MAGI2: variants seen among roughly 807,000 people sequenced by gnomAD.
The protein encoded by MAGI2 is membrane-associated guanylate kinase, WW and PDZ domain-containing protein 2.
In MAGI2, 35 loss-of-function variants were observed where a neutral mutation model predicts 133.3. The observed-to-expected ratio is 0.26, with a 90% CI of 0.20 to 0.35. MAGI2 has a LOEUF of 0.35. MAGI2 is among the 10% of genes least tolerant of loss of function. MAGI2 has a pLI of 1.00. For synonymous variants in MAGI2, 729 were observed against 710.6 expected (o/e 1.03, Z -0.41); for missense variants, 1,636 against 1,863.4 (o/e 0.88, Z 2.25).
chr7:78,705,985 T>C (rs16886265), intron 2 of MAGI2, among the ~76,000 whole-genome samples: 14,446 of 152,194 alleles, frequency 0.095, 826 homozygotes, highest in African/African-American at 0.16. Flanking sequence ...CTAGCTGAGT[T>C]CTAGTGGAAA....
chr7:78,860,772 T>C (rs2151500140), intron 2 of MAGI2, among the ~76,000 whole-genome samples: 1 of 152,294 alleles, frequency 6.6e-6, no homozygotes, highest in South Asian at 2.1e-4. Flanking sequence ...TCTTCAAAGC[T>C]GTCAGAGAGG....
intron 1 of MAGI2, among the ~76,000 whole-genome samples, chr7:79,026,275 T>C (rs763334454): frequency 2.6e-5 from 4 of 152,216 alleles, no homozygotes; most frequent in Admixed American, 6.5e-5. Flanking sequence ...TTTTTAAACC[T>C]ATTAAAGGAT....
At chr7:78,160,375 G>T in intron 15 of MAGI2, 102 bp from the exon 16 acceptor site, 2 of 1,237,914 alleles carry the variant, frequency 1.6e-6, no homozygotes, top group Non-Finnish European at 1.1e-6. Flanking sequence ...ATTGTTACAA[G>T]ACTGGTTGAA....
At chr7:78,848,424 T>TAGA (rs1372353292) in intron 2 of MAGI2, among the ~76,000 whole-genome samples, 1 of 152,044 alleles carries the variant, frequency 6.6e-6, no homozygotes. Context: ...TTTTGCTCTC[T>TAGA]TTCTATCCTT....
At chr7:79,369,485 G>A (rs1055395154) in intron 1 of MAGI2, among the ~76,000 whole-genome samples, 5 of 152,204 alleles carry the variant, frequency 3.3e-5, no homozygotes, top group African/African-American at 1.2e-4. Context: ...CCCAGCTGAA[G>A]TCAGTATAAA....
At chr7:78,604,111 T>A (rs368061654) in intron 3 of MAGI2, among the ~76,000 whole-genome samples, 2 of 152,072 alleles carry the variant, frequency 1.3e-5, no homozygotes, top group African/African-American at 4.8e-5. Flanking sequence ...ACTAAAGGAG[T>A]CATGACCATT....
intron 1 of MAGI2, among the ~76,000 whole-genome samples, chr7:79,315,991 T>G (rs1275569381): frequency 6.6e-6 from 1 of 152,096 alleles, no homozygotes. Context: ...GGCAAGTTAT[T>G]TAACTCCTGT....
intron 1 of MAGI2, among the ~76,000 whole-genome samples, chr7:79,287,354 G>A (rs1370692139): frequency 6.6e-6 from 1 of 152,010 alleles, no homozygotes; most frequent in Non-Finnish European, 1.5e-5. Flanking sequence ...TATTCACTAA[G>A]ATTCTCTAAG....
At chr7:78,074,330 T>C (rs1815046818) in intron 21 of MAGI2, among the ~76,000 whole-genome samples, 1 of 152,206 alleles carries the variant, frequency 6.6e-6, no homozygotes, top group Admixed American at 6.5e-5. Flanking sequence ...CGGTCACAGA[T>C]CACCTTGAGA....
At chr7:78,721,555 T>C (rs993266084) in intron 2 of MAGI2, among the ~76,000 whole-genome samples, 3 of 152,020 alleles carry the variant, frequency 2.0e-5, no homozygotes, top group African/African-American at 7.2e-5. Flanking sequence ...AGGAACATAT[T>C]GAAATCTTCT....
intron 10 of MAGI2, chr7:78,252,638 A>G (rs917495828): frequency 4.0e-5 from 6 of 151,860 alleles, no homozygotes; most frequent in Admixed American, 1.3e-4. Flanking sequence ...AGAATGATCC[A>G]TATAAGAAAA....
intron 2 of MAGI2, among the ~76,000 whole-genome samples, chr7:78,650,144 A>G (rs1811390350): frequency 6.6e-6 from 1 of 152,124 alleles, no homozygotes; most frequent in Non-Finnish European, 1.5e-5. Flanking sequence ...CTTCTTGGTT[A>G]TTCAGGGGTT....
intron 2 of MAGI2, among the ~76,000 whole-genome samples, chr7:78,682,637 G>C (rs1311121454): frequency 6.6e-6 from 1 of 152,152 alleles, no homozygotes; most frequent in Non-Finnish European, 1.5e-5. Context: ...GGGCGTTTGG[G>C]TTGGTTCCAA....
At chr7:79,444,564 T>C (rs1321855219) in intron 1 of MAGI2, among the ~76,000 whole-genome samples, 2 of 151,992 alleles carry the variant, frequency 1.3e-5, no homozygotes, top group African/African-American at 4.8e-5. Context: ...CCATTCACAA[T>C]TGCTTCAAAG....
At chr7:78,484,108 A>G (rs1335532967) in intron 6 of MAGI2, 1 of 151,976 alleles carries the variant, frequency 6.6e-6, no homozygotes, top group East Asian at 1.9e-4. Context: ...TAAACAATGT[A>G]ATTTAGAAAC....
intron 10 of MAGI2, among the ~76,000 whole-genome samples, chr7:78,213,682 G>A (rs1026501472): frequency 5.3e-5 from 8 of 152,184 alleles, no homozygotes; most frequent in Non-Finnish European, 1.0e-4. Flanking sequence ...GAAATGTCAA[G>A]CTGTAACCAA....
intron 2 of MAGI2, among the ~76,000 whole-genome samples, chr7:78,669,489 G>A (rs921370804): frequency 6.6e-6 from 1 of 152,058 alleles, no homozygotes; most frequent in African/African-American, 2.4e-5. Context: ...TTCTACCAGA[G>A]GTACAAGGAG....
rs142083558 is a variant in MAGI2, at chr7:78,291,913, G to C, written c.1409-35332C>G. Among the ~76,000 whole-genome samples the C allele has an allele frequency of 9.5e-4, 144 of 152,194 alleles. 2 individuals are homozygous for C. In the East Asian group the frequency reaches 0.022, roughly 23 times the overall value. ...CATGCTAAAAACTCTCAATAAACTA[G>C]GTACCAATGGGATGTATCTCAAAAT... On this transcript the variant is annotated intron_variant, in intron 9 of 21. Coordinates refer to ENST00000354212, the MANE Select transcript of MAGI2 (RefSeq NM_012301.4).
intron 15 of MAGI2, among the ~76,000 whole-genome samples, chr7:78,166,701 C>T (rs1030074678): frequency 1.3e-5 from 2 of 152,166 alleles, no homozygotes; most frequent in African/African-American, 4.8e-5. Flanking sequence ...CATTCACAGC[C>T]TGTCATTAGC....
Sources: gnomAD v4.1 joint callset for allele counts (sites outside exome capture counted in the v4.1 genomes callset) on GRCh38, gnomAD v4.1.1 for gene constraint, MANE v1.5 for transcripts, NCBI Gene and HGNC (gene_info 2026-07-23, HGNC 2026-07-21) for gene names.